Variants in RPTOR observed in about 807,000 individuals in gnomAD.
RPTOR encodes the protein regulatory-associated protein of mTOR.
A neutral mutation model predicts 169.9 loss-of-function variants in RPTOR; 21 were observed. The ratio of observed to expected loss-of-function variants is 0.12; its 90% CI spans 0.09 to 0.18. The LOEUF (loss-of-function observed/expected upper bound fraction) is 0.18. RPTOR is among the 10% of genes least tolerant of loss of function. The pLI, the probability that RPTOR is intolerant of heterozygous loss-of-function variation, is 1.00. For synonymous variants in RPTOR, 732 were observed against 753.2 expected, an observed-to-expected ratio of 0.97 and a Z score of 0.46; for missense variants, 1,133 against 1,855.9, an observed-to-expected ratio of 0.61 and a Z score of 7.16.
At chr17:80,685,627 A>ATATATTTTTTTTTT (rs1269766086) in intron 3 of RPTOR, among the ~76,000 whole-genome samples, 2 of 30,680 alleles carry the variant, frequency 6.5e-5, no homozygotes, top group Non-Finnish European at 1.1e-4. Context: ...ATATATATAT[A>ATATATTTTTTTTTT]TTTTTTTTTT....
In RPTOR at chr17:80,736,180, A is replaced by T. The variant is rs550464856; in HGVS notation, c.654+5474A>T. Among the ~76,000 whole-genome samples, 3 of 147,242 alleles carry T rather than the reference A, an allele frequency of 2.0e-5. No homozygotes were observed. The South Asian group carries it at 6.6e-4, about 32-fold the overall frequency. ...AGTGAGACCCCATCTCTTAAAAAAA[A>T]AAAAAGTTCAGCCCATGGATCATGG... On this transcript the variant is annotated intron_variant, in intron 5 of 33. Transcript: ENST00000306801.
intron 2 of RPTOR, among the ~76,000 whole-genome samples, chr17:80,642,097 T>G (rs2065558584): frequency 6.6e-6 from 1 of 152,208 alleles, no homozygotes; most frequent in Non-Finnish European, 1.5e-5. Flanking sequence ...TTTGGAAACC[T>G]TGTACCTACC....
At chr17:80,786,932 G>T (rs2066998181) in intron 6 of RPTOR, among the ~76,000 whole-genome samples, 1 of 152,142 alleles carries the variant, frequency 6.6e-6, no homozygotes, top group Admixed American at 6.5e-5. Flanking sequence ...TCCATATTTG[G>T]CCTCCTTTTA....
In RPTOR at chr17:80,803,954, C is replaced by A. The variant is rs7206983; in HGVS notation, c.890+12445C>A. 0.011 allele frequency among the ~76,000 whole-genome samples: 1,751 copies of A among 152,322 alleles called. 37 individuals are homozygous for A. Among genetic ancestry groups the A allele is most frequent in the African/African-American group, 0.041 (1,687 of 41,572 alleles). On this transcript the variant is annotated intron_variant, in intron 7 of 33. Coordinates refer to ENST00000306801, the MANE Select transcript of RPTOR (RefSeq NM_020761.3). This position sits in a 1 kb window ranked among gnomAD's most constrained non-coding sequence, Gnocchi z 6.2. Reference sequence around the variant, plus strand: ...ACGGGGAGCCCCACAGCCTCTGAGCCAGGCACGAGCTTGGGCTGTGTGGCA... The same window carrying A: ...ACGGGGAGCCCCACAGCCTCTGAGCAAGGCACGAGCTTGGGCTGTGTGGCA...
At chr17:80,728,942 C>T (rs991268914) in intron 4 of RPTOR, among the ~76,000 whole-genome samples, 4 of 152,174 alleles carry the variant, frequency 2.6e-5, no homozygotes, top group Non-Finnish European at 2.9e-5. Context: ...GTCCACCAAA[C>T]GCGGACAGTT....
intron 5 of RPTOR, among the ~76,000 whole-genome samples, chr17:80,751,371 G>C (rs563275994): frequency 3.3e-5 from 5 of 152,204 alleles, no homozygotes; most frequent in African/African-American, 9.7e-5. Context: ...AGGGCAGTCC[G>C]TGTCATCTTT....
At chr17:80,930,355 C>G (rs62068520) in intron 24 of RPTOR, among the ~76,000 whole-genome samples, 1 of 48,902 alleles carries the variant, frequency 2.0e-5, no homozygotes, top group Non-Finnish European at 3.9e-5. Flanking sequence ...CAGCTCATCC[C>G]CAGCTCATCC....
intron 7 of RPTOR, among the ~76,000 whole-genome samples, chr17:80,818,916 G>A (rs993897619): frequency 1.2e-4 from 19 of 152,194 alleles, no homozygotes; most frequent in African/African-American, 4.3e-4. Context: ...GGACCTCGTG[G>A]GAAGCTCTTT....
At chr17:80,798,904 C>T (rs1336513096) in intron 7 of RPTOR, among the ~76,000 whole-genome samples, 2 of 152,214 alleles carry the variant, frequency 1.3e-5, no homozygotes, top group African/African-American at 4.8e-5. Context: ...CGTGTCCCTA[C>T]ACACCATGAC....
intron 24 of RPTOR, among the ~76,000 whole-genome samples, chr17:80,931,294 G>A (rs1043741430): frequency 3.9e-5 from 6 of 152,244 alleles, no homozygotes; most frequent in Admixed American, 6.5e-5. Context: ...GCCCAGCAGG[G>A]AAGGGAAGAG....
chr17:80,791,581 C>T lies in RPTOR; in HGVS notation c.890+72C>T, dbSNP rs932724150. On this transcript the variant is annotated intron_variant, in intron 7 of 33. Transcript: ENST00000306801. Reference sequence around the variant, plus strand: ...TTCTTTTCCTTTTTGAAGGCTCTTGCTTCTCAGAAGTACTTTCTATCAACA... The same window carrying T: ...TTCTTTTCCTTTTTGAAGGCTCTTGTTTCTCAGAAGTACTTTCTATCAACA... The T allele has an allele frequency of 1.6e-5, 22 of 1,370,492 alleles. No homozygotes were observed. In the African/African-American group the frequency reaches 3.1e-4, roughly 19 times the overall value. The allele number at this position is 1,370,492 out of a possible 1,614,324, so 84.9% of individuals were successfully genotyped here. A position where few individuals can be genotyped will look rare whatever the true frequency, so the allele number is the denominator to read the frequency against.
Position 80,964,775 on chromosome 17 carries a change from C to T in RPTOR, c.*445C>T, listed in dbSNP as rs1364115990. The T allele has an allele frequency of 8.0e-6, 2 of 249,720 alleles. No homozygotes were observed. Among genetic ancestry groups the T allele is most frequent in the Non-Finnish European group, 1.6e-5 (2 of 127,986 alleles). The allele number at this position is 249,720 out of a possible 1,614,324, so 15.5% of individuals were successfully genotyped here. A position where few individuals can be genotyped will look rare whatever the true frequency, so the allele number is the denominator to read the frequency against. On this transcript the variant is annotated 3_prime_UTR_variant, in exon 34 of 34. Coordinates refer to ENST00000306801, the MANE Select transcript of RPTOR (RefSeq NM_020761.3). ...GCAGCTGTCCCCATCAGGCCAAGAG[C>T]GAGCGAGAGGCGCTGCCCCAGCCAG...
At chr17:80,757,626 T>TG (rs776567191) in intron 6 of RPTOR, among the ~76,000 whole-genome samples, 7 of 152,186 alleles carry the variant, frequency 4.6e-5, no homozygotes, top group African/African-American at 1.2e-4. Context: ...TGTCCATATT[T>TG]GGGGGGTCCA....
chr17:80,807,203 A>G (rs1005375601), intron 7 of RPTOR, among the ~76,000 whole-genome samples: 6 of 152,262 alleles, frequency 3.9e-5, no homozygotes, highest in African/African-American at 1.4e-4. Flanking sequence ...GTTTTAAAAT[A>G]GAGACAGAAC....
At chr17:80,891,978 A>T (rs1460371034) in intron 18 of RPTOR, 141 bp downstream of exon 18, 4 of 539,772 alleles carry the variant, frequency 7.4e-6, no homozygotes, top group Non-Finnish European at 9.9e-6. Flanking sequence ...TGTTTTTCTC[A>T]TCTTTTTAGG....
In RPTOR at chr17:80,820,724, G is replaced by A. The variant is rs1327907222; in HGVS notation, c.891-1477G>A. ...GAGAGCAGACTGGGGAGAAGGAGGA[G>A]GGGCTGAGACGAGTCTCTGCTGTCC... is the stretch of plus-strand genomic sequence containing the variant. On this transcript the variant is annotated intron_variant, in intron 7 of 33. Transcript: ENST00000306801. This position sits in a 1 kb window ranked among gnomAD's most constrained non-coding sequence, Gnocchi z 4.1. Among the ~76,000 whole-genome samples the A allele has an allele frequency of 6.6e-6, 1 of 152,182 alleles. No homozygotes were observed.
chr17:80,939,921 CCACT>C (rs1394138808), intron 24 of RPTOR, among the ~76,000 whole-genome samples: 6 of 152,216 alleles, frequency 3.9e-5, no homozygotes, highest in Non-Finnish European at 7.3e-5. Flanking sequence ...GCCTCACAGG[CCACT>C]CACTCAAGGG....
chr17:80,930,685 C>T (rs182232382), intron 24 of RPTOR, among the ~76,000 whole-genome samples: 1 of 152,348 alleles, frequency 6.6e-6, no homozygotes, highest in East Asian at 1.9e-4. Flanking sequence ...TAGAATAAGT[C>T]GTTGGTTTTG....
chr17:80,870,398 C>T, intron 13 of RPTOR, among the ~76,000 whole-genome samples: 1 of 152,190 alleles, frequency 6.6e-6, no homozygotes, highest in Non-Finnish European at 1.5e-5. Flanking sequence ...GTTCTCCTAC[C>T]CGTGCTCAAA....
Sources: allele counts gnomAD v4.1 joint callset (sites outside exome capture counted in the v4.1 genomes callset), GRCh38; gene constraint gnomAD v4.1.1; non-coding constraint Gnocchi (gnomAD v3.1); transcripts MANE v1.5; gene names NCBI Gene and HGNC (gene_info 2026-07-23, HGNC 2026-07-21).